Variants in TOX observed in about 807,000 individuals in gnomAD.
TOX encodes thymocyte selection-associated high mobility group box protein TOX.
In TOX, 11 loss-of-function variants were observed where a neutral mutation model predicts 53.7. That is an observed-to-expected ratio of 0.20 (90% CI 0.13 to 0.34). The LOEUF (loss-of-function observed/expected upper bound fraction) is 0.34. Among genes scored for constraint, TOX ranks in the 10% least tolerant of loss-of-function variants. The probability of loss-of-function intolerance (pLI) is 1.00; values close to 1 mark genes in which losing one functional copy is unlikely to be tolerated. For missense variants in TOX, 570 were observed against 664.6 expected, an observed-to-expected ratio of 0.86 and a Z score of 1.56; for synonymous variants, 225 against 245.3, an observed-to-expected ratio of 0.92 and a Z score of 0.77.
chr8:58,853,711 AT>A (rs1810864338), intron 3 of TOX, among the ~76,000 whole-genome samples: 1 of 152,332 alleles, frequency 6.6e-6, no homozygotes, highest in South Asian at 2.1e-4. Flanking sequence ...CAAATCAACA[AT>A]GGTTTTATCT....
chr8:58,939,622 T>G (rs1812401802), intron 2 of TOX, 78 bp from the exon 3 acceptor site: 1 of 1,513,946 alleles, frequency 6.6e-7, no homozygotes, highest in Non-Finnish European at 8.9e-7. Context: ...ACTTGACCCT[T>G]TAGATATTAT....
At chr8:58,880,408 A>T (rs1222325190) in intron 3 of TOX, among the ~76,000 whole-genome samples, 1 of 152,226 alleles carries the variant, frequency 6.6e-6, no homozygotes, top group Non-Finnish European at 1.5e-5. Flanking sequence ...GTATATTAAG[A>T]TCTTAACAAA....
chr8:58,968,133 A>T (rs564934740), intron 1 of TOX, among the ~76,000 whole-genome samples: 1 of 152,320 alleles, frequency 6.6e-6, no homozygotes, highest in East Asian at 1.9e-4. Flanking sequence ...CATTAACCCT[A>T]AACTTTCAGT....
chr8:59,016,615 C>G (rs1029695402), intron 1 of TOX, among the ~76,000 whole-genome samples: 19 of 152,128 alleles, frequency 1.2e-4, no homozygotes, highest in Non-Finnish European at 2.9e-5. Flanking sequence ...GTGACCTCAA[C>G]CAATAAAGAT....
intron 1 of TOX, among the ~76,000 whole-genome samples, chr8:58,965,909 T>TG (rs1563403268): frequency 1.4e-5 from 2 of 144,740 alleles, no homozygotes; most frequent in Non-Finnish European, 3.0e-5. Flanking sequence ...TTTTTTTTTT[T>TG]TTTTTTTTTT....
intron 2 of TOX, among the ~76,000 whole-genome samples, chr8:58,941,945 C>T (rs1424398859): frequency 1.3e-5 from 2 of 150,332 alleles, no homozygotes; most frequent in African/African-American, 4.9e-5. Context: ...CCCAGCTACT[C>T]GGGAGGCTGA....
intron 1 of TOX, among the ~76,000 whole-genome samples, chr8:59,024,793 T>A (rs1262738754): frequency 1.3e-5 from 2 of 152,092 alleles, no homozygotes; most frequent in African/African-American, 4.8e-5. Flanking sequence ...AAAGCGGCCG[T>A]GTGATTATCC....
chr8:58,886,902 T>C (rs1184715381), intron 3 of TOX, among the ~76,000 whole-genome samples: 3 of 151,838 alleles, frequency 2.0e-5, no homozygotes, highest in African/African-American at 4.8e-5. Flanking sequence ...GTAGTTGTTA[T>C]AGGGGCATCC....
At chr8:59,038,445 G>C (rs2129420515) in intron 1 of TOX, among the ~76,000 whole-genome samples, 1 of 152,230 alleles carries the variant, frequency 6.6e-6, no homozygotes, top group South Asian at 2.1e-4. Context: ...TTCTTATGTA[G>C]AGCTGACACA....
At chr8:58,897,415 G>A (rs905670853) in intron 3 of TOX, among the ~76,000 whole-genome samples, 2 of 152,118 alleles carry the variant, frequency 1.3e-5, no homozygotes, top group South Asian at 2.1e-4. Context: ...TTTAGGACAC[G>A]TCCAGGAGGG....
chr8:58,832,425 C>A (rs1040719164), intron 5 of TOX, among the ~76,000 whole-genome samples: 1 of 151,984 alleles, frequency 6.6e-6, no homozygotes, highest in Non-Finnish European at 1.5e-5. Context: ...AAGATAAACA[C>A]ATGTGTGAAT....
intron 1 of TOX, among the ~76,000 whole-genome samples, chr8:58,998,530 T>TAA (rs57585653): frequency 1.6e-4 from 7 of 44,008 alleles, no homozygotes; most frequent in Non-Finnish European, 2.6e-4. Context: ...TATATATATA[T>TAA]ATATATATAA....
chr8:59,020,421 A>C (rs1311962329), intron 1 of TOX, among the ~76,000 whole-genome samples: 1 of 152,170 alleles, frequency 6.6e-6, no homozygotes, highest in African/African-American at 2.4e-5. Context: ...TCCTCTCTGC[A>C]TGTCCAAAAC....
intron 3 of TOX, among the ~76,000 whole-genome samples, chr8:58,931,330 C>T (rs1014198798): frequency 7.3e-6 from 1 of 137,640 alleles, no homozygotes; most frequent in African/African-American, 2.6e-5. Flanking sequence ...TCATAAATGT[C>T]AAAAAAAAAA....
chr8:58,885,869 C>T lies in TOX; in HGVS notation c.412-34064G>A, dbSNP rs551116072. Among the ~76,000 whole-genome samples the T allele has an allele frequency of 2.3e-3, 344 of 152,182 alleles. 4 individuals are homozygous for T. Among genetic ancestry groups the T allele is most frequent in the Non-Finnish European group, 4.0e-3 (275 of 67,976 alleles). The stretch of plus-strand genomic sequence containing the variant: ...TTTCACTAATGTACACATAATATAT[C>T]CTGAAACTTCAATTAAAGGGATTTT... On this transcript the variant is annotated intron_variant, in intron 3 of 8. Coordinates refer to ENST00000361421, the MANE Select transcript of TOX (RefSeq NM_014729.3).
chr8:58,961,772 GC>G (rs59565147), intron 1 of TOX, among the ~76,000 whole-genome samples: 39,985 of 151,988 alleles, frequency 0.26, 6,315 homozygotes, highest in East Asian at 0.4. Context: ...CTCCCAAAGT[GC>G]TGGGATTGCA....
intron 1 of TOX, among the ~76,000 whole-genome samples, chr8:59,020,765 A>G (rs557864546): frequency 9.9e-5 from 15 of 152,112 alleles, no homozygotes; most frequent in Non-Finnish European, 1.9e-4. Context: ...CATACCCTTT[A>G]TAAGTATAGT....
At chr8:58,993,519 G>A (rs1383211137) in intron 1 of TOX, among the ~76,000 whole-genome samples, 1 of 152,198 alleles carries the variant, frequency 6.6e-6, no homozygotes, top group African/African-American at 2.4e-5. Context: ...TACAGGAACT[G>A]CAGAGATTTC....
intron 1 of TOX, among the ~76,000 whole-genome samples, chr8:59,116,011 C>A (rs1304705664): frequency 2.0e-5 from 3 of 151,982 alleles, no homozygotes; most frequent in Admixed American, 6.6e-5. Context: ...AAAACAATCA[C>A]ATTTTAGTTT....
Sources: allele counts gnomAD v4.1 joint callset (sites outside exome capture counted in the v4.1 genomes callset), GRCh38; gene constraint gnomAD v4.1.1; transcripts MANE v1.5; gene names NCBI Gene and HGNC (gene_info 2026-07-23, HGNC 2026-07-21).